The following ANO4 variants were observed in gnomAD, a reference collection of about 807,000 sequenced individuals.
The protein encoded by ANO4 is anoctamin-4.
Under a neutral mutation model 141.9 loss-of-function variants are expected in ANO4, and 69 were observed. The observed-to-expected ratio is 0.49, with a 90% CI of 0.40 to 0.59. The LOEUF is 0.59. ANO4 is among the 20% of genes least tolerant of loss of function. The pLI is 0.00. For synonymous variants in ANO4, 350 were observed against 394.3 expected (o/e 0.89, Z 1.33); for missense variants, 894 against 1,162.2 (o/e 0.77, Z 3.36).
intron 1 of ANO4, chr12:100,859,335 G>C (rs1017896048): frequency 6.6e-6 from 1 of 152,122 alleles, no homozygotes; most frequent in African/African-American, 2.4e-5. Context: ...GACAGTAGTT[G>C]CTCTATCAAC....
intron 8 of ANO4, among the ~76,000 whole-genome samples, chr12:101,014,435 G>A (rs2046232382): frequency 6.6e-6 from 1 of 152,190 alleles, no homozygotes; most frequent in South Asian, 2.1e-4. Flanking sequence ...GAGAGTCAGT[G>A]GGAAGTTCAG....
At chr12:100,868,218 C>A (rs1397153386) in intron 1 of ANO4, among the ~76,000 whole-genome samples, 1 of 152,176 alleles carries the variant, frequency 6.6e-6, no homozygotes, top group Non-Finnish European at 1.5e-5. Flanking sequence ...CGAGTCACAG[C>A]ATGCACCTGA....
At chr12:100,857,378 G>C (rs2135875184) in intron 1 of ANO4, among the ~76,000 whole-genome samples, 1 of 152,262 alleles carries the variant, frequency 6.6e-6, no homozygotes, top group East Asian at 1.9e-4. Flanking sequence ...AATAGCAACT[G>C]ATATTTATGG....
intron 6 of ANO4, among the ~76,000 whole-genome samples, chr12:100,972,567 A>T (rs2043977017): frequency 6.6e-6 from 1 of 152,184 alleles, no homozygotes; most frequent in Non-Finnish European, 1.5e-5. Context: ...GAACTCAAGG[A>T]TTAAAAAAAG....
chr12:101,088,343 C>T (rs1033738203), intron 17 of ANO4, among the ~76,000 whole-genome samples: 1 of 152,068 alleles, frequency 6.6e-6, no homozygotes, highest in African/African-American at 2.4e-5. Flanking sequence ...CCTGGTCACT[C>T]TGTTTTAAAT....
At chr12:100,956,271 G>T (rs1180634351) in intron 5 of ANO4, among the ~76,000 whole-genome samples, 1 of 152,182 alleles carries the variant, frequency 6.6e-6, no homozygotes, top group African/African-American at 2.4e-5. Context: ...ACTTAGCCAA[G>T]ATCATGATGG....
intron 24 of ANO4, among the ~76,000 whole-genome samples, chr12:101,114,722 ACT>A (rs2050787916): frequency 6.6e-6 from 1 of 151,668 alleles, no homozygotes; most frequent in Non-Finnish European, 1.5e-5. Context: ...CTCTAGAAAG[ACT>A]CTGCTAAAAC....
chr12:100,996,144 G>C (rs1310464898), intron 8 of ANO4, among the ~76,000 whole-genome samples: 1 of 152,146 alleles, frequency 6.6e-6, no homozygotes, highest in Non-Finnish European at 1.5e-5. Flanking sequence ...ATTCACATCT[G>C]ATACTAAGAT....
intron 17 of ANO4, among the ~76,000 whole-genome samples, chr12:101,090,515 G>GC (rs1257985475): frequency 2.0e-5 from 3 of 152,066 alleles, no homozygotes; most frequent in Non-Finnish European, 2.9e-5. Context: ...ACCAAACACC[G>GC]CATGTTCTCA....
intron 14 of ANO4, among the ~76,000 whole-genome samples, chr12:101,071,337 T>C (rs910673808): frequency 1.4e-4 from 21 of 144,992 alleles, no homozygotes; most frequent in African/African-American, 5.6e-4. Flanking sequence ...TAGTCAGCCA[T>C]TAAAAAAAAA....
At chr12:101,045,716 C>T (rs892526582) in intron 13 of ANO4, among the ~76,000 whole-genome samples, 4 of 152,164 alleles carry the variant, frequency 2.6e-5, no homozygotes, top group African/African-American at 9.7e-5. Flanking sequence ...GGGTGGCTCA[C>T]GCTGTGGGAT....
chr12:101,070,119 C>G (rs1222519296), intron 14 of ANO4, among the ~76,000 whole-genome samples: 3 of 152,016 alleles, frequency 2.0e-5, no homozygotes, highest in Admixed American at 6.6e-5. Context: ...TCAATGCAAT[C>G]CCTATAAAAA....
At chr12:100,895,589 T>G (rs1466973716) in intron 1 of ANO4, among the ~76,000 whole-genome samples, 3 of 148,584 alleles carry the variant, frequency 2.0e-5, no homozygotes, top group Non-Finnish European at 1.5e-5. Flanking sequence ...AGACAGAGTT[T>G]TGCTCTTTGT....
chr12:100,759,950 G>C (rs2032783022), intron 3 of ANO4, among the ~76,000 whole-genome samples: 1 of 152,004 alleles, frequency 6.6e-6, no homozygotes, highest in Non-Finnish European at 1.5e-5. Flanking sequence ...CATGTGAAAG[G>C]GCATAAAAAC....
chr12:100,942,372 T>C lies in ANO4; in HGVS notation c.298-5T>C, dbSNP rs759338747. On this transcript the variant is annotated splice_polypyrimidine_tract_variant and splice_region_variant and intron_variant, in intron 4 of 27. Transcript: ENST00000392977. ...TTAAACTGGTCCCTTTCTCTTTGTGTGCAGACAGTGCCAGAAAGAAACAAA... is the reference window on the plus strand; with the variant it reads ...TTAAACTGGTCCCTTTCTCTTTGTGCGCAGACAGTGCCAGAAAGAAACAAA... 1.2e-6 allele frequency: 2 copies of C among 1,612,802 alleles called. No individual in the cohort carries two copies. Among genetic ancestry groups the C allele is most frequent in the Non-Finnish European group, 1.7e-6 (2 of 1,179,580 alleles).
intron 5 of ANO4, among the ~76,000 whole-genome samples, chr12:100,956,201 T>C (rs917505129): frequency 6.6e-6 from 1 of 152,176 alleles, no homozygotes; most frequent in African/African-American, 2.4e-5. Context: ...ATCATCTCAA[T>C]GCCAATTTCT....
intron 8 of ANO4, among the ~76,000 whole-genome samples, chr12:101,007,813 G>A (rs2136432292): frequency 6.6e-6 from 1 of 152,196 alleles, no homozygotes; most frequent in East Asian, 1.9e-4. Context: ...TTGAAATCCT[G>A]GGCTCAAGCA....
chr12:101,017,555 C>T (rs1250352050), intron 8 of ANO4, among the ~76,000 whole-genome samples: 2 of 152,264 alleles, frequency 1.3e-5, no homozygotes, highest in East Asian at 3.9e-4. Flanking sequence ...GCAATCTGGA[C>T]AGAGGAACTC....
intron 13 of ANO4, among the ~76,000 whole-genome samples, chr12:101,044,933 T>TA (rs1219190304): frequency 1.3e-5 from 2 of 152,210 alleles, no homozygotes; most frequent in African/African-American, 4.8e-5. Flanking sequence ...AAAGGTCAGA[T>TA]ATAAGCCTGA....
Sources: allele counts gnomAD v4.1 joint callset (sites outside exome capture counted in the v4.1 genomes callset), GRCh38; gene constraint gnomAD v4.1.1; transcripts MANE v1.5; gene names NCBI Gene and HGNC (gene_info 2026-07-23, HGNC 2026-07-21).